RMND1: variants seen among roughly 807,000 people sequenced by gnomAD.
RMND1 encodes the protein required for meiotic nuclear division 1 homolog, also known as required for meiotic nuclear division protein 1 homolog.
A neutral mutation model predicts 54.0 loss-of-function variants in RMND1; 41 were observed. That is an observed-to-expected ratio of 0.76 (90% CI 0.59 to 0.98). RMND1 has a LOEUF of 0.98. Ranked by LOEUF, RMND1 falls within the 50% of genes least tolerant of loss-of-function variation. The pLI is 0.00. For missense variants in RMND1, 457 were observed against 532.0 expected (o/e 0.86, Z 1.39); for synonymous variants, 183 against 181.7 (o/e 1.01, Z -0.06).
At chr6:151,421,389 CAG>C in intron 8 of RMND1, 68 bp from the exon 9 acceptor site, 1 of 1,123,874 alleles carries the variant, frequency 8.9e-7, no homozygotes, top group Non-Finnish European at 1.3e-6. Flanking sequence ...ATTAGGTCAA[CAG>C]GGCAAAATCT....
At chr6:151,436,581 G>A in intron 2 of RMND1, 27 bp from the exon 3 acceptor site, 1 of 1,610,290 alleles carries the variant, frequency 6.2e-7, no homozygotes, top group Non-Finnish European at 8.5e-7. Flanking sequence ...AGCATAACAT[G>A]GGTTACCAAG....
chr6:151,410,287 C>A (rs1291698440), intron 10 of RMND1, among the ~76,000 whole-genome samples: 1 of 152,120 alleles, frequency 6.6e-6, no homozygotes, highest in African/African-American at 2.4e-5. Flanking sequence ...GATCTCCTGA[C>A]CTTGTGATCC....
At chr6:151,422,638 T>C in intron 7 of RMND1, 33 bp from the exon 8 acceptor site, 2 of 1,076,904 alleles carry the variant, frequency 1.9e-6, no homozygotes, top group South Asian at 1.5e-5. Context: ...AACATTTCTT[T>C]ATCATCATAT....
At chr6:151,439,585 T>C (rs1780711186) in intron 2 of RMND1, among the ~76,000 whole-genome samples, 1 of 152,246 alleles carries the variant, frequency 6.6e-6, no homozygotes, top group East Asian at 1.9e-4. Flanking sequence ...AACTGTCCCA[T>C]ATACAGCTTG....
At chr6:151,411,371 C>G (rs1399525243) in intron 10 of RMND1, 3 of 152,414 alleles carry the variant, frequency 2.0e-5, no homozygotes, top group Admixed American at 1.3e-4. Flanking sequence ...GTGCCAGGGA[C>G]TGGGGTGGCT....
At chr6:151,410,339 G>C (rs912185090) in intron 10 of RMND1, among the ~76,000 whole-genome samples, 11 of 152,152 alleles carry the variant, frequency 7.2e-5, no homozygotes, top group Admixed American at 2.0e-4. Context: ...ACAGGCATGA[G>C]CCACCGCACC....
At chr6:151,448,147 A>G (rs1311074794) in intron 1 of RMND1, among the ~76,000 whole-genome samples, 1 of 152,082 alleles carries the variant, frequency 6.6e-6, no homozygotes, top group African/African-American at 2.4e-5. Context: ...TAGAAAGCCT[A>G]AGATTACATT....
At chr6:151,416,497 C>T (rs1780011775) in intron 10 of RMND1, 1 of 146,966 alleles carries the variant, frequency 6.8e-6, no homozygotes, top group Non-Finnish European at 1.5e-5. Flanking sequence ...GACCTTGGCT[C>T]ACTGCAACCT....
chr6:151,436,559 T>G lies in RMND1; in HGVS notation c.505-5A>C. The G allele has an allele frequency of 6.2e-7, 1 of 1,613,426 alleles. No homozygotes were observed. Among genetic ancestry groups the G allele is most frequent in the African/African-American group, 1.3e-5 (1 of 75,010 alleles). On this transcript the variant is annotated splice_region_variant and splice_polypyrimidine_tract_variant and intron_variant, in intron 2 of 11. Transcript: ENST00000444024. Reference sequence around the variant, plus strand: ...TGCTGTGCAGTGCATTAGGTCCTGTTCCAGGGAAATGAGCATAACATGGGT... The same window carrying G: ...TGCTGTGCAGTGCATTAGGTCCTGTGCCAGGGAAATGAGCATAACATGGGT...
At chr6:151,415,819 A>T (rs957873631) in intron 10 of RMND1, among the ~76,000 whole-genome samples, 1 of 150,106 alleles carries the variant, frequency 6.7e-6, no homozygotes, top group Non-Finnish European at 1.5e-5. Flanking sequence ...AAAAAGTCAC[A>T]TACTGTATGA....
chr6:151,425,530 G>C (rs918599965), intron 6 of RMND1, among the ~76,000 whole-genome samples: 1 of 152,068 alleles, frequency 6.6e-6, no homozygotes, highest in African/African-American at 2.4e-5. Flanking sequence ...CGCGGTTTTT[G>C]CCATTTTAAT....
chr6:151,406,844 C>T (rs761450023), intron 10 of RMND1, among the ~76,000 whole-genome samples: 4 of 151,950 alleles, frequency 2.6e-5, no homozygotes, highest in African/African-American at 4.8e-5. Context: ...CACCATGTTA[C>T]GATTTTTGCA....
chr6:151,407,210 C>T (rs1232614536), intron 10 of RMND1, among the ~76,000 whole-genome samples: 1 of 152,174 alleles, frequency 6.6e-6, no homozygotes, highest in Non-Finnish European at 1.5e-5. Context: ...AACCACACTC[C>T]ACCATTTGCC....
intron 9 of RMND1, among the ~76,000 whole-genome samples, chr6:151,417,811 ATTT>A (rs764636849): frequency 1.4e-5 from 2 of 142,534 alleles, no homozygotes; most frequent in Non-Finnish European, 3.1e-5. Context: ...TTTGTTTTCA[ATTT>A]TTTTTTTTTT....
At chr6:151,421,346 C>A (rs772016695) in intron 8 of RMND1, 25 bp from the exon 9 acceptor site, 10 of 1,548,426 alleles carry the variant, frequency 6.5e-6, no homozygotes, top group Middle Eastern at 1.7e-4. Context: ...ATCGGAAAAA[C>A]CAAAAAACCA....
chr6:151,424,639 T>C (rs2114940520), intron 6 of RMND1, among the ~76,000 whole-genome samples: 2 of 152,262 alleles, frequency 1.3e-5, no homozygotes, highest in Middle Eastern at 6.8e-3. Flanking sequence ...GAAAAAATGC[T>C]GCATATAAAA....
chr6:151,439,898 G>A (rs1780724896), intron 2 of RMND1, among the ~76,000 whole-genome samples: 1 of 151,688 alleles, frequency 6.6e-6, no homozygotes, highest in African/African-American at 2.4e-5. Flanking sequence ...GACCTCATCT[G>A]ATCCTCCCGC....
intron 6 of RMND1, among the ~76,000 whole-genome samples, chr6:151,425,467 C>A (rs909016204): frequency 6.6e-6 from 1 of 152,002 alleles, no homozygotes; most frequent in African/African-American, 2.4e-5. Context: ...CACACACACA[C>A]AAGGGTCTAG....
chr6:151,405,201 TA>T lies in RMND1; in HGVS notation c.*33del, dbSNP rs1779568022. 6.3e-7 allele frequency: 1 copy of T among 1,593,018 alleles called. No individual in the cohort carries two copies. The highest frequency in any genetic ancestry group is 1.3e-5 in the African/African-American group (1 of 74,336). On this transcript the variant is annotated 3_prime_UTR_variant, in exon 12 of 12. Transcript: ENST00000444024. ...TTAATTTTTGATTGTAGAACTTGAA[TA>T]TCTCTTGCAGTGACACTTTGGTTAT...
Sources: gnomAD v4.1 joint callset for allele counts (sites outside exome capture counted in the v4.1 genomes callset) on GRCh38, gnomAD v4.1.1 for gene constraint, MANE v1.5 for transcripts, NCBI Gene and HGNC (gene_info 2026-07-23, HGNC 2026-07-21) for gene names.